OLFML2A: variants seen among roughly 807,000 people sequenced by gnomAD.
The protein encoded by OLFML2A is olfactomedin like 2A, also known as olfactomedin-like protein 2A.
In OLFML2A, 47 loss-of-function variants were observed where a neutral mutation model predicts 60.9. The ratio of observed to expected loss-of-function variants is 0.77; its 90% CI spans 0.61 to 0.98. The LOEUF (loss-of-function observed/expected upper bound fraction) is 0.98, where lower values mean the gene tolerates loss of function less well. OLFML2A is among the 50% of genes least tolerant of loss of function. The pLI is 0.00. For missense variants in OLFML2A, 922 were observed against 879.8 expected (o/e 1.05, Z -0.61); for synonymous variants, 372 against 375.0 (o/e 0.99, Z 0.09).
At chr9:124,807,435 T>C (rs1010841217) in intron 6 of OLFML2A, among the ~76,000 whole-genome samples, 1 of 151,876 alleles carries the variant, frequency 6.6e-6, no homozygotes, top group African/African-American at 2.4e-5. Flanking sequence ...AGGCACCGCC[T>C]ACCATGCCCA....
chr9:124,795,185 G>A, intron 3 of OLFML2A, 54 bp downstream of exon 3: 1 of 1,149,846 alleles, frequency 8.7e-7, no homozygotes, highest in Admixed American at 2.0e-5. Flanking sequence ...GGGGGCCAAG[G>A]GCACTGTCCG....
Position 124,804,267 on chromosome 9 carries a change from G to GCCACCA in OLFML2A, c.1099_1104dup (p.Thr367_Thr368dup). 1 of 1,481,424 alleles carries GCCACCA rather than the reference G, an allele frequency of 6.8e-7. No individual in the cohort carries two copies. Among genetic ancestry groups the GCCACCA allele is most frequent in the African/African-American group, 1.4e-5 (1 of 69,696 alleles). The allele number at this position is 1,481,424 out of a possible 1,614,324, so 91.8% of individuals were successfully genotyped here. A position where few individuals can be genotyped will look rare whatever the true frequency, so the allele number is the denominator to read the frequency against. The stretch of plus-strand genomic sequence containing the variant: ...TTCAATCCCTGCCACCACCACCACC[G>GCCACCA]CCACCACCACCCCAACCCCCACCAC... On this transcript the variant is annotated inframe_insertion, in exon 6 of 8. Transcript: ENST00000373580.
At chr9:124,795,553 C>T (rs554164559) in intron 3 of OLFML2A, among the ~76,000 whole-genome samples, 98 of 152,254 alleles carry the variant, frequency 6.4e-4, no homozygotes, top group African/African-American at 2.1e-3. Flanking sequence ...CCGAGGCAGG[C>T]GGATCACTTG....
At chr9:124,809,723 A>G in intron 7 of OLFML2A, 85 bp from the exon 8 acceptor site, 2 of 1,482,222 alleles carry the variant, frequency 1.3e-6, no homozygotes, top group Non-Finnish European at 1.8e-6. Context: ...TTACTGGGCC[A>G]CTGAGAGCCC....
intron 5 of OLFML2A, among the ~76,000 whole-genome samples, chr9:124,803,244 C>T (rs1224207332): frequency 6.7e-6 from 1 of 149,756 alleles, no homozygotes; most frequent in African/African-American, 2.5e-5. Context: ...TCCCTAAACC[C>T]TTCCTTCCTT....
At chr9:124,807,224 G>A (rs1293481241) in intron 6 of OLFML2A, among the ~76,000 whole-genome samples, 19 of 151,238 alleles carry the variant, frequency 1.3e-4, no homozygotes, top group Admixed American at 7.9e-4. Flanking sequence ...GTGCCTGGCC[G>A]AGTTTGACTA....
chr9:124,811,064 A>G lies in OLFML2A; in HGVS notation c.*652A>G. ...CCCACCCCACCCGCTGTCCGGCCAC[A>G]TTCCAAACCTCTACCGTCACCTAGC... On this transcript the variant is annotated 3_prime_UTR_variant, in exon 8 of 8. Transcript: ENST00000373580. The G allele has an allele frequency of 6.7e-6, 1 of 148,654 alleles. No homozygotes were observed. The highest frequency in any genetic ancestry group is 6.7e-5 in the Admixed American group (1 of 14,966). The allele number at this position is 148,654 out of a possible 1,614,324, so 9.2% of individuals were successfully genotyped here.
At chr9:124,807,403 C>T (rs1841917467) in intron 6 of OLFML2A, among the ~76,000 whole-genome samples, 1 of 150,522 alleles carries the variant, frequency 6.6e-6, no homozygotes, top group Non-Finnish European at 1.5e-5. Context: ...CCTGTCTCAG[C>T]TTCCTGAGTA....
chr9:124,792,643 C>T (rs1208330561), intron 2 of OLFML2A, among the ~76,000 whole-genome samples: 1 of 152,202 alleles, frequency 6.6e-6, no homozygotes, highest in African/African-American at 2.4e-5. Context: ...AGAGGGTCAT[C>T]TCGCAAGGGA....
intron 2 of OLFML2A, among the ~76,000 whole-genome samples, chr9:124,794,269 G>T (rs1841622329): frequency 6.6e-6 from 1 of 152,234 alleles, no homozygotes; most frequent in Non-Finnish European, 1.5e-5. Context: ...CAAGGCAGCT[G>T]CAAGAGGACG....
chr9:124,805,487 C>G (rs186552897), intron 6 of OLFML2A, among the ~76,000 whole-genome samples: 1 of 152,112 alleles, frequency 6.6e-6, no homozygotes, highest in East Asian at 1.9e-4. Context: ...AATTGCTCAA[C>G]GGAGGCTAAA....
At position 124,809,880 on chromosome 9, in the gene OLFML2A, TCTA is replaced by T. The variant is rs1322301031; in HGVS notation, c.1432_1434del (p.Tyr478del). The T allele has an allele frequency of 6.2e-7, 1 of 1,614,110 alleles. No homozygotes were observed. The highest frequency in any genetic ancestry group is 2.2e-5 in the East Asian group (1 of 44,866). On this transcript the variant is annotated inframe_deletion, in exon 8 of 8. Coordinates refer to ENST00000373580, the MANE Select transcript of OLFML2A (RefSeq NM_182487.4). Reference sequence around the variant, plus strand: ...GGCCACGTGGTGTACCAGGGCGCCTTCTACTACAACCGCGCCTTCACCAAGAAC... The same window carrying T: ...GGCCACGTGGTGTACCAGGGCGCCTTCTACAACCGCGCCTTCACCAAGAAC...
At position 124,804,192 on chromosome 9, in the gene OLFML2A, G is replaced by A; in HGVS notation, c.1018G>A (p.Ala340Thr). 6.2e-7 allele frequency: 1 copy of A among 1,614,136 alleles called. No homozygotes were observed. The highest frequency in any genetic ancestry group is 1.1e-5 in the South Asian group (1 of 91,074). Residue 340 changes from alanine (A) to threonine (T), a missense_variant, in exon 6 of 8, where the codon GCT (alanine) becomes ACT (threonine). Coordinates refer to ENST00000373580, the MANE Select transcript of OLFML2A (RefSeq NM_182487.4). ...GCCCAACTCCGCAGAGCAGGATGAGGCTGAGCCCAGGTCCTCCGAGCGAGT... is the reference window on the plus strand; with the variant it reads ...GCCCAACTCCGCAGAGCAGGATGAGACTGAGCCCAGGTCCTCCGAGCGAGT... ...AEPNSAEQDE[A>T]EPRSSERVDL...
At chr9:124,800,763 C>A in intron 4 of OLFML2A, 1 of 1,159,956 alleles carries the variant, frequency 8.6e-7, no homozygotes, top group Non-Finnish European at 1.1e-6. Flanking sequence ...TCTGCTGGAG[C>A]TTCTGCCTAA....
At chr9:124,806,411 G>A (rs1397016492) in intron 6 of OLFML2A, among the ~76,000 whole-genome samples, 3 of 150,842 alleles carry the variant, frequency 2.0e-5, no homozygotes, top group Non-Finnish European at 2.9e-5. Flanking sequence ...TTTTTGTGGC[G>A]AGAACACTTA....
chr9:124,809,753 T>A, intron 7 of OLFML2A, 55 bp from the exon 8 acceptor site: 5 of 1,544,356 alleles, frequency 3.2e-6, no homozygotes, highest in Non-Finnish European at 4.4e-6. Flanking sequence ...TCAGGGGATG[T>A]GGGTGGGCTG....
At chr9:124,802,699 G>A (rs576162502) in intron 5 of OLFML2A, among the ~76,000 whole-genome samples, 1 of 152,314 alleles carries the variant, frequency 6.6e-6, no homozygotes, top group East Asian at 1.9e-4. Context: ...GGTCCTCCTC[G>A]ACCAGGGGGA....
intron 5 of OLFML2A, among the ~76,000 whole-genome samples, chr9:124,803,479 G>A (rs4838212): frequency 0.68 from 103,052 of 151,900 alleles, 35,259 homozygotes; most frequent in East Asian, 0.82. Flanking sequence ...TGGCCAGGCT[G>A]GTCTTGAACT....
chr9:124,788,700 GC>G (rs541276212), intron 2 of OLFML2A, among the ~76,000 whole-genome samples: 1 of 152,124 alleles, frequency 6.6e-6, no homozygotes, highest in East Asian at 1.9e-4. Flanking sequence ...CCAGACTAGG[GC>G]CCCCCACCAG....
Sources: gnomAD v4.1 joint callset for allele counts (sites outside exome capture counted in the v4.1 genomes callset) on GRCh38, gnomAD v4.1.1 for gene constraint, MANE v1.5 for transcripts, NCBI Gene and HGNC (gene_info 2026-07-23, HGNC 2026-07-21) for gene names.